Variants in UNC13C observed in about 807,000 individuals in gnomAD.
The protein encoded by UNC13C is protein unc-13 homolog C.
A neutral mutation model predicts 245.4 loss-of-function variants in UNC13C; 174 were observed. The ratio of observed to expected loss-of-function variants is 0.71; its 90% CI spans 0.63 to 0.80. UNC13C has a LOEUF of 0.80. UNC13C is among the 30% of genes least tolerant of loss of function. The probability of loss-of-function intolerance (pLI) is 0.00; values close to 1 mark genes in which losing one functional copy is unlikely to be tolerated. For synonymous variants in UNC13C, 992 were observed against 895.1 expected (o/e 1.11, Z -1.93); for missense variants, 2,829 against 2,602.9 (o/e 1.09, Z -1.89).
chr15:54,441,159 A>T, intron 19 of UNC13C, among the ~76,000 whole-genome samples: 1 of 151,866 alleles, frequency 6.6e-6, no homozygotes, highest in Non-Finnish European at 1.5e-5. Flanking sequence ...AGTATTTTAG[A>T]TTAATATAGT....
intron 2 of UNC13C, among the ~76,000 whole-genome samples, chr15:54,041,047 G>A (rs1040886069): frequency 2.0e-5 from 3 of 152,142 alleles, no homozygotes; most frequent in Admixed American, 1.3e-4. Flanking sequence ...TTGTTTACCT[G>A]CTTCCATGGA....
intron 28 of UNC13C, among the ~76,000 whole-genome samples, chr15:54,553,379 A>G (rs1340246502): frequency 2.3e-5 from 3 of 127,970 alleles, no homozygotes; most frequent in African/African-American, 8.7e-5. Flanking sequence ...ATTATATTAT[A>G]TTATGTATTA....
At chr15:54,170,141 A>G (rs769587196) in intron 4 of UNC13C, among the ~76,000 whole-genome samples, 1 of 152,104 alleles carries the variant, frequency 6.6e-6, no homozygotes, top group East Asian at 1.9e-4. Flanking sequence ...TTACTCTCAC[A>G]TATTTGTTTA....
chr15:54,569,987 A>C (rs1280919993), intron 30 of UNC13C, among the ~76,000 whole-genome samples: 3 of 151,982 alleles, frequency 2.0e-5, no homozygotes, highest in Non-Finnish European at 4.4e-5. Context: ...TATAAAAGGG[A>C]GCCTGATGTG....
At chr15:53,941,866 A>T in the UNC13C span, among the ~76,000 whole-genome samples, 1 of 152,194 alleles carries the variant, frequency 6.6e-6, no homozygotes, top group Non-Finnish European at 1.5e-5. Context: ...ATGCCATCTC[A>T]TGCCATACAG....
At chr15:54,421,775 A>G (rs771978477) in intron 19 of UNC13C, among the ~76,000 whole-genome samples, 1 of 152,062 alleles carries the variant, frequency 6.6e-6, no homozygotes, top group Non-Finnish European at 1.5e-5. Context: ...TTTGATAAAA[A>G]TGATCACCAA....
chr15:53,909,149 A>G, the UNC13C span, among the ~76,000 whole-genome samples: 1 of 146,582 alleles, frequency 6.8e-6, no homozygotes, highest in African/African-American at 2.4e-5. Flanking sequence ...CCAAAGTCCT[A>G]CTCTTCAGAG....
chr15:53,896,611 C>T, the UNC13C span, among the ~76,000 whole-genome samples: 5 of 151,820 alleles, frequency 3.3e-5, no homozygotes, highest in Non-Finnish European at 7.4e-5. Flanking sequence ...ACTTAATTTC[C>T]ACTCCATCCC....
chr15:54,376,773 A>T (rs985374240), intron 17 of UNC13C, among the ~76,000 whole-genome samples: 9 of 152,350 alleles, frequency 5.9e-5, no homozygotes, highest in Admixed American at 5.9e-4. Flanking sequence ...CACATGAAAC[A>T]TATTTGAGAA....
At chr15:54,553,299 CT>C (rs1437214707) in intron 28 of UNC13C, among the ~76,000 whole-genome samples, 6 of 108,490 alleles carry the variant, frequency 5.5e-5, no homozygotes, top group Non-Finnish European at 8.7e-5. Flanking sequence ...ATATTGTATT[CT>C]ATATTACAAT....
intron 4 of UNC13C, among the ~76,000 whole-genome samples, chr15:54,196,014 C>T (rs546528974): frequency 6.6e-6 from 1 of 152,216 alleles, no homozygotes; most frequent in Admixed American, 6.5e-5. Flanking sequence ...CCATCTTTAT[C>T]TCATGCCAAA....
At chr15:53,944,721 A>G in the UNC13C span, among the ~76,000 whole-genome samples, 1 of 152,164 alleles carries the variant, frequency 6.6e-6, no homozygotes, top group East Asian at 1.9e-4. Context: ...TAGTGCTGCA[A>G]TGAATCTATG....
At chr15:53,991,341 G>A (rs1894378862) in intron 1 of UNC13C, among the ~76,000 whole-genome samples, 2 of 151,972 alleles carry the variant, frequency 1.3e-5, no homozygotes, top group African/African-American at 2.4e-5. Flanking sequence ...CTAAAATTAT[G>A]TGGGTGGGAA....
chr15:54,241,056 C>T (rs1256367602), intron 7 of UNC13C, among the ~76,000 whole-genome samples: 1 of 152,182 alleles, frequency 6.6e-6, no homozygotes, highest in African/African-American at 2.4e-5. Flanking sequence ...TGTATCCACT[C>T]TTGCTGCAAG....
At chr15:54,198,379 A>G (rs541243744) in intron 4 of UNC13C, among the ~76,000 whole-genome samples, 8 of 152,064 alleles carry the variant, frequency 5.3e-5, no homozygotes, top group African/African-American at 1.9e-4. Flanking sequence ...TGAAAACACC[A>G]CCTCCTGGCT....
intron 2 of UNC13C, among the ~76,000 whole-genome samples, chr15:54,139,913 C>A (rs1449836388): frequency 6.6e-6 from 1 of 152,026 alleles, no homozygotes; most frequent in Admixed American, 6.6e-5. Flanking sequence ...AGATACTTAA[C>A]CTATTGTCCA....
At chr15:54,016,592 G>C (rs904754626) in intron 2 of UNC13C, among the ~76,000 whole-genome samples, 2 of 152,048 alleles carry the variant, frequency 1.3e-5, no homozygotes, top group African/African-American at 4.8e-5. Flanking sequence ...ATGGAAATGA[G>C]AAGAGTACCT....
intron 13 of UNC13C, among the ~76,000 whole-genome samples, chr15:54,303,727 A>G (rs1228757417): frequency 2.0e-5 from 3 of 151,722 alleles, no homozygotes; most frequent in Non-Finnish European, 4.4e-5. Context: ...CATGTGCCCA[A>G]GGTGGTCGGG....
intron 14 of UNC13C, among the ~76,000 whole-genome samples, chr15:54,322,429 A>G (rs1387029207): frequency 6.6e-6 from 1 of 152,022 alleles, no homozygotes; most frequent in Non-Finnish European, 1.5e-5. Context: ...ACTGTCTTGT[A>G]GATATAGTTC....
Sources: allele counts gnomAD v4.1 joint callset (sites outside exome capture counted in the v4.1 genomes callset), GRCh38; gene constraint gnomAD v4.1.1; transcripts MANE v1.5; gene names NCBI Gene and HGNC (gene_info 2026-07-23, HGNC 2026-07-21).